Variants in ACTA2 observed in about 807,000 individuals in gnomAD.
The protein encoded by ACTA2 is actin alpha 2, smooth muscle.
In ACTA2, 12 loss-of-function variants were observed where a neutral mutation model predicts 39.5. The ratio of observed to expected loss-of-function variants is 0.30; its 90% CI spans 0.19 to 0.49. The LOEUF (loss-of-function observed/expected upper bound fraction) is 0.49, where lower values mean the gene tolerates loss of function less well. Ranked by LOEUF, ACTA2 falls within the 20% of genes least tolerant of loss-of-function variation. The pLI, the probability that ACTA2 is intolerant of heterozygous loss-of-function variation, is 0.99. For missense variants in ACTA2, 236 were observed against 498.8 expected (o/e 0.47, Z 5.02); for synonymous variants, 158 against 180.6 (o/e 0.88, Z 1.00).
intron 1 of ACTA2, among the ~76,000 whole-genome samples, chr10:88,983,609 C>CAAAAAAAAAAAAAAAAAAAA (rs71022549): frequency 2.2e-5 from 1 of 46,430 alleles, no homozygotes; most frequent in Non-Finnish European, 3.6e-5. Context: ...ACAGGTTATG[C>CAAAAAAAAAAAAAAAAAAAA]AAAAAAAAAA....
At chr10:88,968,787 T>C (rs1158950432) in intron 1 of ACTA2, among the ~76,000 whole-genome samples, 1 of 152,210 alleles carries the variant, frequency 6.6e-6, no homozygotes, top group Non-Finnish European at 1.5e-5. Context: ...TGTCCTCTTT[T>C]CTAGTACCAT....
chr10:88,941,067 C>G, intron 6 of ACTA2, 162 bp downstream of exon 6: 1 of 893,910 alleles, frequency 1.1e-6, no homozygotes, highest in Non-Finnish European at 1.8e-6. Context: ...CATTTTGCAA[C>G]TTCACACAGC....
rs1200030942 is a variant in ACTA2 at position 88,976,458 on chromosome 10, G to GA, written c.-24+14480dup. 4.9e-4 allele frequency among the ~76,000 whole-genome samples: 75 copies of GA among 152,200 alleles called. 1 individual carries two copies. The highest frequency in any genetic ancestry group is 5.9e-5 in the Non-Finnish European group (4 of 68,030). On this transcript the variant is annotated intron_variant, in intron 1 of 4. Transcript: ENST00000415557. ...ATATTGGTTCATTATGAGGATCACG[G>GA]AAAATGGAGAAAATTAGTACATTAA...
At chr10:88,943,222 A>AG (rs1187703435) in intron 4 of ACTA2, among the ~76,000 whole-genome samples, 8 of 152,320 alleles carry the variant, frequency 5.3e-5, no homozygotes, top group Admixed American at 2.0e-4. Flanking sequence ...TTCTATTGTG[A>AG]GGTCTTTAGC....
chr10:88,955,042 A>C (rs887168943), upstream of ACTA2, among the ~76,000 whole-genome samples: 1 of 151,424 alleles, frequency 6.6e-6, no homozygotes, highest in African/African-American at 2.4e-5. Flanking sequence ...AAGAAGAAGA[A>C]GGAAAGAAAG....
At chr10:88,975,531 G>T (rs559135142) in intron 1 of ACTA2, among the ~76,000 whole-genome samples, 11 of 152,270 alleles carry the variant, frequency 7.2e-5, no homozygotes, top group African/African-American at 2.6e-4. Flanking sequence ...GGTACAGGAA[G>T]GGGCATGGAG....
intron 1 of ACTA2, among the ~76,000 whole-genome samples, chr10:88,967,471 A>G (rs1329894324): frequency 6.6e-6 from 1 of 152,202 alleles, no homozygotes; most frequent in Non-Finnish European, 1.5e-5. Context: ...GCGAGAATAC[A>G]GTGGAATACT....
rs965204721 is a variant in ACTA2, at chr10:88,938,955, C to T, written c.808+552G>A. ...CTCTTTATCTATCTCCTGTAATTCTCACAGCCATCCTAGGACATAAGTAAT... is the reference window on the plus strand; with the variant it reads ...CTCTTTATCTATCTCCTGTAATTCTTACAGCCATCCTAGGACATAAGTAAT... On this transcript the variant is annotated intron_variant, in intron 7 of 8. Transcript: ENST00000224784. 2.0e-5 allele frequency among the ~76,000 whole-genome samples: 3 copies of T among 152,190 alleles called. 1 individual carries two copies. The South Asian group carries it at 6.2e-4, about 31-fold the overall frequency.
chr10:88,966,031 G>T (rs1846312836), intron 1 of ACTA2, among the ~76,000 whole-genome samples: 1 of 152,114 alleles, frequency 6.6e-6, no homozygotes, highest in Non-Finnish European at 1.5e-5. Flanking sequence ...AATGTATTAG[G>T]TTGGTGCAAA....
At chr10:88,957,246 A>G (rs1385230936), upstream of ACTA2, among the ~76,000 whole-genome samples, 1 of 152,204 alleles carries the variant, frequency 6.6e-6, no homozygotes, top group Non-Finnish European at 1.5e-5. Context: ...ATGTATTTAT[A>G]AGATTCACGA....
At chr10:88,984,561 G>C (rs1186082390) in intron 1 of ACTA2, among the ~76,000 whole-genome samples, 3 of 152,204 alleles carry the variant, frequency 2.0e-5, no homozygotes, top group African/African-American at 7.2e-5. Flanking sequence ...AGATATCCCA[G>C]TGTTTGCAAA....
At chr10:88,967,580 C>G (rs980337998) in intron 1 of ACTA2, among the ~76,000 whole-genome samples, 10 of 152,168 alleles carry the variant, frequency 6.6e-5, no homozygotes, top group African/African-American at 2.4e-4. Flanking sequence ...TTATTACCTG[C>G]AACGCAGCTT....
At chr10:88,962,447 AGAG>A (rs746966051) in intron 1 of ACTA2, among the ~76,000 whole-genome samples, 33 of 152,166 alleles carry the variant, frequency 2.2e-4, no homozygotes, top group Non-Finnish European at 3.5e-4. Flanking sequence ...GTTTAAAAAA[AGAG>A]GAGATAGTCT....
intron 2 of ACTA2, among the ~76,000 whole-genome samples, chr10:88,947,756 A>G (rs1845977643): frequency 6.6e-6 from 1 of 152,204 alleles, no homozygotes; most frequent in Non-Finnish European, 1.5e-5. Context: ...AATGTATACA[A>G]TTTTACATAT....
intron 6 of ACTA2, chr10:88,940,894 T>A (rs1017984692): frequency 1.1e-5 from 4 of 352,924 alleles, no homozygotes; most frequent in African/African-American, 8.5e-5. Context: ...TCGAGTCCTA[T>A]CACAATGTCT....
chr10:88,938,553 C>A, intron 7 of ACTA2: 1 of 363,464 alleles, frequency 2.8e-6, no homozygotes, highest in Non-Finnish European at 5.3e-6. Flanking sequence ...CAATTCCCTG[C>A]AAAGCTTCCA....
chr10:88,965,110 T>C (rs1846297818), intron 1 of ACTA2, among the ~76,000 whole-genome samples: 1 of 152,182 alleles, frequency 6.6e-6, no homozygotes, highest in Non-Finnish European at 1.5e-5. Flanking sequence ...GCAAACCTTC[T>C]TAGATGCATT....
At chr10:88,937,992 G>T in intron 8 of ACTA2, 69 bp downstream of exon 8, 1 of 1,574,618 alleles carries the variant, frequency 6.4e-7, no homozygotes, top group Non-Finnish European at 8.7e-7. Context: ...TCTCTGAAGA[G>T]TTCTTATCTG....
At chr10:88,949,082 A>T in intron 1 of ACTA2, 129 bp from the exon 2 acceptor site, 2 of 786,418 alleles carry the variant, frequency 2.5e-6, no homozygotes, top group Non-Finnish European at 4.2e-6. Flanking sequence ...TCTGACCCTT[A>T]TCTAATATAG....
Sources: allele counts gnomAD v4.1 joint callset (sites outside exome capture counted in the v4.1 genomes callset), GRCh38; gene constraint gnomAD v4.1.1; transcripts MANE v1.5; gene names NCBI Gene and HGNC (gene_info 2026-07-23, HGNC 2026-07-21).